The following NDUFA3 variants were observed in gnomAD, a reference collection of about 807,000 sequenced individuals.
NDUFA3 encodes the protein NADH:ubiquinone oxidoreductase subunit A3, also known as NADH dehydrogenase [ubiquinone] 1 alpha subcomplex subunit 3.
In NDUFA3, 10 loss-of-function variants were observed where a neutral mutation model predicts 11.4. That is an observed-to-expected ratio of 0.87 (90% CI 0.54 to 1.48). NDUFA3 has a LOEUF of 1.48. Among genes scored for constraint, NDUFA3 ranks in the 40% most tolerant of loss-of-function variants. The pLI is 0.00. For synonymous variants in NDUFA3, 39 were observed against 46.9 expected, an observed-to-expected ratio of 0.83 and a Z score of 0.68; for missense variants, 115 against 110.5, an observed-to-expected ratio of 1.04 and a Z score of -0.18.
intron 2 of NDUFA3, 55 bp downstream of exon 2, chr19:54,103,243 C>G: frequency 1.3e-6 from 2 of 1,518,150 alleles, no homozygotes; most frequent in South Asian, 2.5e-5. Flanking sequence ...CCCCCTACAT[C>G]CCTCCATCTT....
At chr19:54,106,604 C>T (rs1042866131) in intron 3 of NDUFA3, 17 of 496,908 alleles carry the variant, frequency 3.4e-5, no homozygotes, top group Non-Finnish European at 5.3e-5. Flanking sequence ...CTCTAGTGCG[C>T]GGGATCTCTC....
At chr19:54,103,309 C>A in intron 2 of NDUFA3, 121 bp downstream of exon 2, 1 of 990,370 alleles carries the variant, frequency 1.0e-6, no homozygotes, top group Non-Finnish European at 1.4e-6. Context: ...TCTGCACCCC[C>A]ACGGCATCCC....
chr19:54,105,662 A>G, intron 2 of NDUFA3: 1 of 676,406 alleles, frequency 1.5e-6, no homozygotes, highest in South Asian at 1.5e-5. Flanking sequence ...TGCTCATTCC[A>G]TGACCAACCC....
At chr19:54,104,283 G>A (rs1407395657) in intron 2 of NDUFA3, among the ~76,000 whole-genome samples, 1 of 151,718 alleles carries the variant, frequency 6.6e-6, no homozygotes, top group East Asian at 1.9e-4. Context: ...GATTACAGGC[G>A]AGCACCACCA....
intron 2 of NDUFA3, among the ~76,000 whole-genome samples, chr19:54,105,264 CTTTTTTTTTT>C (rs796770972): frequency 1.4e-5 from 1 of 71,258 alleles, no homozygotes; most frequent in African/African-American, 6.0e-5. Flanking sequence ...GTTTGTAAGG[CTTTTTTTTTT>C]TTTTTTTTTT....
rs1201188274 is a variant in NDUFA3 at position 54,103,161 on chromosome 19, G to A, written c.58G>A (p.Val20Ile). The A allele has an allele frequency of 2.5e-6, 4 of 1,603,992 alleles. No individual in the cohort carries two copies. The highest frequency in any genetic ancestry group is 3.4e-6 in the Non-Finnish European group (4 of 1,173,400). The part of the protein sequence containing the change: ...KNAWDKEPVL[V>I]VSFVVGGLAV... ...TGCCTGGGACAAGGAGCCAGTGCTG[G>A]TCGTGTCCTTCGTCGTCGGGGGCCT... is the stretch of plus-strand genomic sequence containing the variant. The change falls in exon 2 of 4, where the codon GTC becomes ATC. Residue 20 changes from valine (V) to isoleucine (I), a missense_variant. Physicochemically the swap from Val to Ile is conservative, Grantham distance 29. Coordinates refer to ENST00000485876, the MANE Select transcript of NDUFA3 (RefSeq NM_004542.4).
chr19:54,104,345 C>T (rs1442596262), intron 2 of NDUFA3, among the ~76,000 whole-genome samples: 5 of 151,646 alleles, frequency 3.3e-5, no homozygotes, highest in African/African-American at 7.3e-5. Flanking sequence ...ACCATGTTGG[C>T]CAGGCTGGTC....
At chr19:54,104,034 C>T (rs587599044) in intron 2 of NDUFA3, among the ~76,000 whole-genome samples, 4 of 151,618 alleles carry the variant, frequency 2.6e-5, no homozygotes, top group Non-Finnish European at 5.9e-5. Context: ...GGGGTTTCAC[C>T]GTGTTAGCCA....
At chr19:54,106,148 T>A in intron 3 of NDUFA3, 137 bp downstream of exon 3, 1 of 778,064 alleles carries the variant, frequency 1.3e-6, no homozygotes, top group South Asian at 1.6e-5. Flanking sequence ...TTCCATTTTT[T>A]AAGAATTGAG....
At chr19:54,104,077 C>T (rs1309858370) in intron 2 of NDUFA3, among the ~76,000 whole-genome samples, 2 of 151,396 alleles carry the variant, frequency 1.3e-5, no homozygotes, top group African/African-American at 2.4e-5. Flanking sequence ...TCGTGATCCT[C>T]CCAACTCGGT....
In NDUFA3 at chr19:54,105,958, C is replaced by G. The variant is rs149383103; in HGVS notation, c.110C>G (p.Pro37Arg). 6.2e-7 allele frequency: 1 copy of G among 1,613,720 alleles called. No individual in the cohort carries two copies. The highest frequency in any genetic ancestry group is 1.1e-5 in the South Asian group (1 of 91,078). Residue 37 changes from proline to arginine, a missense_variant, in exon 3 of 4, where the codon CCC (proline) becomes CGC (arginine). Transcript: ENST00000485876. The stretch of plus-strand genomic sequence containing the variant: ...GCTGTAATTCTGCCCCCATTGAGCC[C>G]CTACTTCAAGTACTCCGTCATGATC... ...GLAVILPPLSPYFKYSVMINK... is the reference protein window; with the variant it reads ...GLAVILPPLSRYFKYSVMINK...
intron 2 of NDUFA3, chr19:54,105,595 A>G (rs1344057235): frequency 1.9e-6 from 1 of 538,230 alleles, no homozygotes; most frequent in African/African-American, 1.9e-5. Flanking sequence ...TGATTTCTCC[A>G]GAACAGTCCC....
Position 54,105,934 on chromosome 19 carries a change from C to T in NDUFA3, c.86C>T (p.Ala29Val). The change falls in exon 3 of 4, where the codon GCT becomes GTT. Residue 29 changes from alanine to valine, a missense_variant and splice_region_variant. Transcript: ENST00000485876. ...GCCTCACCCCTGTGTCTCTCCACAGCTGTAATTCTGCCCCCATTGAGCCCC... is the reference window on the plus strand; with the variant it reads ...GCCTCACCCCTGTGTCTCTCCACAGTTGTAATTCTGCCCCCATTGAGCCCC... ...LVVSFVVGGL[A>V]VILPPLSPYF... 6.2e-7 allele frequency: 1 copy of T among 1,612,052 alleles called. No homozygotes were observed. The highest frequency in any genetic ancestry group is 1.1e-5 in the South Asian group (1 of 91,052).
rs774080116 is a variant in NDUFA3, at chr19:54,107,205, G to A, written c.*303G>A. On this transcript the variant is annotated 3_prime_UTR_variant, in exon 4 of 4. Transcript: ENST00000485876. Reference sequence around the variant, plus strand: ...TAAGGAACAAGGTGTTAACAGGCCTGGGAATCTAGAAAATCCCATCAGCTT... The same window carrying A: ...TAAGGAACAAGGTGTTAACAGGCCTAGGAATCTAGAAAATCCCATCAGCTT... 1 of 1,583,920 alleles carries A rather than the reference G, an allele frequency of 6.3e-7. No individual in the cohort carries two copies. The highest frequency in any genetic ancestry group is 1.4e-5 in the African/African-American group (1 of 72,844).
intron 2 of NDUFA3, 25 bp downstream of exon 2, chr19:54,103,213 C>A: frequency 6.4e-7 from 1 of 1,572,594 alleles, no homozygotes; most frequent in Non-Finnish European, 8.7e-7. Flanking sequence ...CAGGCGCAAA[C>A]TTGCATCGTC....
chr19:54,105,225 CTGT>C lies in NDUFA3; in HGVS notation c.86-704_86-702del, dbSNP rs587668196. On this transcript the variant is annotated intron_variant, in intron 2 of 3. Coordinates refer to ENST00000485876, the MANE Select transcript of NDUFA3 (RefSeq NM_004542.4). ...ACCCTAAATGGACTGTGGTCAGTGACTGTTGTTTGTGCAACCCTTTCTCCTCCA... is the reference window on the plus strand; with the variant it reads ...ACCCTAAATGGACTGTGGTCAGTGACTGTTTGTGCAACCCTTTCTCCTCCA... Among the ~76,000 whole-genome samples the C allele has an allele frequency of 1.3e-3, 179 of 140,384 alleles. 1 individual carries two copies. The highest frequency in any genetic ancestry group is 4.6e-3 in the African/African-American group (171 of 37,514). The allele number at this position is 140,384 out of a possible 152,430, so 92.1% of individuals were successfully genotyped here.
In NDUFA3 at chr19:54,107,298, G is replaced by T; in HGVS notation, c.*396G>T. Reference sequence around the variant, plus strand: ...GGGTCTCACTCTGTTGCCCAGGCTGGAGTGCAGTGGTGCCATCATAGTTCA... The same window carrying T: ...GGGTCTCACTCTGTTGCCCAGGCTGTAGTGCAGTGGTGCCATCATAGTTCA... On this transcript the variant is annotated 3_prime_UTR_variant, in exon 4 of 4. Transcript: ENST00000485876. 7.9e-7 allele frequency: 1 copy of T among 1,262,606 alleles called. No homozygotes were observed. The highest frequency in any genetic ancestry group is 1.1e-6 in the Non-Finnish European group (1 of 909,736). 78.2% of individuals were successfully genotyped at this position (1,262,606 alleles called of 1,614,324 possible). A position where few individuals can be genotyped will look rare whatever the true frequency, so the allele number is the denominator to read the frequency against.
At chr19:54,106,712 G>GGTCC in intron 3 of NDUFA3, 99 bp from the exon 4 acceptor site, 1 of 990,592 alleles carries the variant, frequency 1.0e-6, no homozygotes, top group Non-Finnish European at 1.4e-6. Context: ...TCACCCCTGG[G>GGTCC]GTCCCCCTTC....
In NDUFA3 at chr19:54,107,472, C is replaced by G. The variant is rs1165866139; in HGVS notation, c.*570C>G. 1 of 379,814 alleles carries G rather than the reference C, an allele frequency of 2.6e-6. No individual in the cohort carries two copies. The highest frequency in any genetic ancestry group is 4.8e-6 in the Non-Finnish European group (1 of 208,504). 23.5% of individuals were successfully genotyped at this position (379,814 alleles called of 1,614,324 possible). ...GTATGTTGCTCAGGCAGGTCTCAGA[C>G]TCCTGGCCTCAAGTGATCCTCCCAC... On this transcript the variant is annotated 3_prime_UTR_variant, in exon 4 of 4. Coordinates refer to ENST00000485876, the MANE Select transcript of NDUFA3 (RefSeq NM_004542.4).
Sources: allele counts gnomAD v4.1 joint callset (sites outside exome capture counted in the v4.1 genomes callset), GRCh38; gene constraint gnomAD v4.1.1; transcripts MANE v1.5; gene names NCBI Gene and HGNC (gene_info 2026-07-23, HGNC 2026-07-21).